Variants in ATG5 observed in about 807,000 individuals in gnomAD.
The protein encoded by ATG5 is autophagy protein 5.
Under a neutral mutation model 36.5 loss-of-function variants are expected in ATG5, and 14 were observed. The ratio of observed to expected loss-of-function variants is 0.38; its 90% confidence interval spans 0.25 to 0.60. The LOEUF (loss-of-function observed/expected upper bound fraction) is 0.60, where lower values mean the gene tolerates loss of function less well. Among genes scored for constraint, ATG5 ranks in the 20% least tolerant of loss-of-function variants. The pLI is 0.60. For missense variants in ATG5, 195 were observed against 326.7 expected (o/e 0.60, Z 3.11); for synonymous variants, 95 against 101.5 (o/e 0.94, Z 0.38).
rs1413986554 is a variant in ATG5, at chr6:106,186,646, T to G, written c.722A>C (p.His241Pro). The G allele has an allele frequency of 6.2e-7, 1 of 1,613,826 alleles. No homozygotes were observed. The highest frequency in any genetic ancestry group is 2.2e-5 in the East Asian group (1 of 44,892). Reference sequence around the variant, plus strand: ...TGTTTCCAACATTGGCTCAATTCCATGAATCATCACTTGATTCTTTTTTTC... The same window carrying G: ...TGTTTCCAACATTGGCTCAATTCCAGGAATCATCACTTGATTCTTTTTTTC... The part of the protein sequence containing the change: ...DGEKKNQVMI[H>P]GIEPMLETPL... Residue 241 changes from histidine (H) to proline (P), a missense_variant, in exon 8 of 8, where the codon CAT becomes CCT. His to Pro is a moderately conservative substitution (Grantham distance 77, BLOSUM62 -2). Transcript: ENST00000369076.
At chr6:106,256,173 T>C (rs923750689) in intron 5 of ATG5, among the ~76,000 whole-genome samples, 2 of 151,396 alleles carry the variant, frequency 1.3e-5, no homozygotes, top group African/African-American at 4.9e-5. Flanking sequence ...TAGGTAATTC[T>C]CTCTTTAATA....
chr6:106,294,867 T>C (rs551783525), intron 3 of ATG5, among the ~76,000 whole-genome samples: 41 of 134,998 alleles, frequency 3.0e-4, no homozygotes, highest in African/African-American at 9.4e-4. Flanking sequence ...AAAAAGAATT[T>C]AGGATGAACG....
chr6:106,252,100 C>T (rs1183272626), intron 5 of ATG5, among the ~76,000 whole-genome samples: 1 of 152,152 alleles, frequency 6.6e-6, no homozygotes, highest in East Asian at 1.9e-4. Flanking sequence ...CTTGGCCTCC[C>T]AAAGTGCTGG....
chr6:106,220,183 C>T (rs1428189286), intron 6 of ATG5, among the ~76,000 whole-genome samples: 1 of 152,126 alleles, frequency 6.6e-6, no homozygotes, highest in African/African-American at 2.4e-5. Flanking sequence ...CATAAGCAAT[C>T]TGCAAAAGAA....
At chr6:106,222,366 G>A (rs1777284161) in intron 6 of ATG5, among the ~76,000 whole-genome samples, 3 of 152,156 alleles carry the variant, frequency 2.0e-5, no homozygotes, top group Non-Finnish European at 2.9e-5. Flanking sequence ...TCCTAAGTTT[G>A]AGACTTCATG....
chr6:106,239,679 C>T (rs1454875040), intron 6 of ATG5, among the ~76,000 whole-genome samples: 1 of 152,164 alleles, frequency 6.6e-6, no homozygotes, highest in African/African-American at 2.4e-5. Flanking sequence ...TACTATAAAC[C>T]AGGGGTGGCA....
At chr6:106,251,502 C>T (rs1312246480) in intron 5 of ATG5, among the ~76,000 whole-genome samples, 1 of 148,478 alleles carries the variant, frequency 6.7e-6, no homozygotes, top group East Asian at 2.0e-4. Context: ...CCAAATACAA[C>T]TATGTTTAAA....
chr6:106,300,964 C>G (rs1453288891), intron 3 of ATG5, among the ~76,000 whole-genome samples: 1 of 151,984 alleles, frequency 6.6e-6, no homozygotes, highest in South Asian at 2.1e-4. Context: ...TTCTAAATTT[C>G]GTGCTTGAAG....
intron 1 of ATG5, among the ~76,000 whole-genome samples, chr6:106,325,079 A>T (rs1396924714): frequency 6.6e-6 from 1 of 152,246 alleles, no homozygotes; most frequent in Non-Finnish European, 1.5e-5. Context: ...CCAACAGAAA[A>T]TGTCTTTGGT....
chr6:106,217,167 C>T (rs1008840728), intron 6 of ATG5, among the ~76,000 whole-genome samples: 2 of 152,012 alleles, frequency 1.3e-5, no homozygotes, highest in Admixed American at 6.5e-5. Context: ...ATCAGAGATA[C>T]ATTTCTACCT....
chr6:106,289,485 T>C (rs907690038), intron 4 of ATG5, among the ~76,000 whole-genome samples: 2 of 152,134 alleles, frequency 1.3e-5, no homozygotes, highest in African/African-American at 2.4e-5. Context: ...AACACACTGA[T>C]AGCTTGAACA....
chr6:106,192,264 C>A (rs533936304), intron 7 of ATG5, among the ~76,000 whole-genome samples: 371 of 150,798 alleles, frequency 2.5e-3, no homozygotes, highest in African/African-American at 8.5e-3. Flanking sequence ...AAAAAAAAAA[C>A]CTTTCAAAAT....
intron 3 of ATG5, chr6:106,304,177 C>T (rs1437218628): frequency 6.6e-6 from 1 of 152,048 alleles, no homozygotes; most frequent in African/African-American, 2.4e-5. Flanking sequence ...TGAACATTCA[C>T]GCTCGTTTTG....
At chr6:106,264,619 C>T (rs1779156461) in intron 5 of ATG5, among the ~76,000 whole-genome samples, 1 of 152,170 alleles carries the variant, frequency 6.6e-6, no homozygotes, top group Non-Finnish European at 1.5e-5. Flanking sequence ...CAAGGGGAAG[C>T]CCATCAGACT....
intron 7 of ATG5, among the ~76,000 whole-genome samples, chr6:106,187,532 G>A (rs1384414065): frequency 1.3e-5 from 2 of 151,998 alleles, no homozygotes; most frequent in African/African-American, 4.8e-5. Context: ...AAGAAACTTT[G>A]TGTTATTCCT....
At chr6:106,303,474 T>G (rs1192465245) in intron 3 of ATG5, among the ~76,000 whole-genome samples, 1 of 152,066 alleles carries the variant, frequency 6.6e-6, no homozygotes, top group Non-Finnish European at 1.5e-5. Context: ...ACTAAAGATA[T>G]CTATCAAACA....
intron 5 of ATG5, among the ~76,000 whole-genome samples, chr6:106,278,052 C>T (rs1190260016): frequency 1.3e-5 from 2 of 152,020 alleles, no homozygotes; most frequent in African/African-American, 2.4e-5. Context: ...CTCAAGCAAT[C>T]CTCCTGCCTC....
intron 1 of ATG5, among the ~76,000 whole-genome samples, chr6:106,320,848 T>C (rs903256128): frequency 6.6e-6 from 1 of 152,188 alleles, no homozygotes; most frequent in African/African-American, 2.4e-5. Context: ...AAAACAATTA[T>C]CTGGTAGCAG....
chr6:106,243,530 G>GAAA (rs1554218336), intron 6 of ATG5, among the ~76,000 whole-genome samples: 3 of 133,394 alleles, frequency 2.2e-5, no homozygotes, highest in East Asian at 2.3e-4. Context: ...CCTCTCTGGG[G>GAAA]AAAAAAAAAA....
Sources: gnomAD v4.1 joint callset for allele counts (sites outside exome capture counted in the v4.1 genomes callset) on GRCh38, gnomAD v4.1.1 for gene constraint, MANE v1.5 for transcripts, NCBI Gene and HGNC (gene_info 2026-07-23, HGNC 2026-07-21) for gene names.